Variants in MB21D2 observed in about 807,000 individuals in gnomAD.
MB21D2 encodes nucleotidyltransferase MB21D2.
Under a neutral mutation model 33.3 loss-of-function variants are expected in MB21D2, and 9 were observed. The ratio of observed to expected loss-of-function variants is 0.27; its 90% CI spans 0.16 to 0.47. MB21D2 has a LOEUF of 0.47. MB21D2 is among the 20% of genes least tolerant of loss of function. The probability of loss-of-function intolerance (pLI) is 0.99; values close to 1 mark genes in which losing one functional copy is unlikely to be tolerated. For synonymous variants in MB21D2, 241 were observed against 236.3 expected, an observed-to-expected ratio of 1.02 and a Z score of -0.18; for missense variants, 540 against 624.6, an observed-to-expected ratio of 0.86 and a Z score of 1.44.
chr3:192,821,463 C>T (rs1056125274), intron 1 of MB21D2, among the ~76,000 whole-genome samples: 7 of 152,152 alleles, frequency 4.6e-5, no homozygotes, highest in African/African-American at 1.7e-4. Context: ...AGCTTTCAAA[C>T]ACTATGGGAT....
chr3:192,852,203 C>G (rs1712822154), intron 1 of MB21D2, among the ~76,000 whole-genome samples: 1 of 152,216 alleles, frequency 6.6e-6, no homozygotes, highest in Admixed American at 6.5e-5. Context: ...AGGATTCACA[C>G]TCAGAGACAC....
intron 1 of MB21D2, among the ~76,000 whole-genome samples, chr3:192,840,291 T>C (rs1310238373): frequency 2.0e-5 from 3 of 151,912 alleles, no homozygotes; most frequent in Non-Finnish European, 2.9e-5. Context: ...TTACACATTT[T>C]CAAAGTCAAC....
chr3:192,849,465 G>A (rs1318519725), intron 1 of MB21D2, among the ~76,000 whole-genome samples: 1 of 151,992 alleles, frequency 6.6e-6, no homozygotes, highest in Admixed American at 6.6e-5. Flanking sequence ...TTACAGGCAT[G>A]TGCCACCACG....
chr3:192,858,957 C>A (rs1712977134), intron 1 of MB21D2, among the ~76,000 whole-genome samples: 1 of 152,124 alleles, frequency 6.6e-6, no homozygotes, highest in African/African-American at 2.4e-5. Context: ...AATGGAAAAA[C>A]CTTGGCTCCA....
At chr3:192,843,980 C>T (rs1712626622) in intron 1 of MB21D2, among the ~76,000 whole-genome samples, 1 of 152,186 alleles carries the variant, frequency 6.6e-6, no homozygotes, top group African/African-American at 2.4e-5. Flanking sequence ...CCTCCCAGCC[C>T]CGGAACTCCC....
chr3:192,900,563 CTTTT>C (rs201714162), intron 1 of MB21D2, among the ~76,000 whole-genome samples: 1 of 149,718 alleles, frequency 6.7e-6, no homozygotes, highest in East Asian at 2.0e-4. Context: ...TGTAAAGCTT[CTTTT>C]TTTTTTCTTT....
intron 1 of MB21D2, among the ~76,000 whole-genome samples, chr3:192,842,475 G>A (rs550088335): frequency 3.9e-5 from 6 of 152,268 alleles, no homozygotes; most frequent in African/African-American, 1.2e-4. Flanking sequence ...TATTGTAGAC[G>A]TTATAGACAC....
intron 1 of MB21D2, among the ~76,000 whole-genome samples, chr3:192,849,961 C>T (rs970192558): frequency 6.6e-5 from 10 of 151,552 alleles, no homozygotes. Context: ...CTCTGTCACC[C>T]AGGCCGGAGT....
intron 1 of MB21D2, among the ~76,000 whole-genome samples, chr3:192,876,254 G>C (rs1214896265): frequency 1.3e-5 from 2 of 152,114 alleles, no homozygotes; most frequent in African/African-American, 4.8e-5. Flanking sequence ...GTCCTTTTCT[G>C]AGAATGACTC....
At chr3:192,909,118 T>C (rs1460724875) in intron 1 of MB21D2, among the ~76,000 whole-genome samples, 2 of 151,604 alleles carry the variant, frequency 1.3e-5, no homozygotes, top group Non-Finnish European at 2.9e-5. Context: ...TAGCCAAGCA[T>C]GGTGGCGGGC....
chr3:192,816,101 T>C (rs766993614), intron 1 of MB21D2, among the ~76,000 whole-genome samples: 12 of 152,116 alleles, frequency 7.9e-5, no homozygotes. Flanking sequence ...TGTCCCAGGG[T>C]TGAATTGAGA....
intron 1 of MB21D2, among the ~76,000 whole-genome samples, chr3:192,880,445 A>G (rs1713535589): frequency 6.6e-6 from 1 of 152,136 alleles, no homozygotes; most frequent in African/African-American, 2.4e-5. Flanking sequence ...TTATTAGAAG[A>G]ACTATCCTTT....
rs1261273082 is a variant in MB21D2, at chr3:192,798,753, A to G, written c.1109T>C (p.Val370Ala). 6.2e-7 allele frequency: 1 copy of G among 1,613,326 alleles called. No homozygotes were observed. Among genetic ancestry groups the G allele is most frequent in the Non-Finnish European group, 8.5e-7 (1 of 1,180,022 alleles). The change falls in exon 2 of 2, where the codon GTC becomes GCC. Residue 370 changes from valine (V) to alanine (A), a missense_variant. By Grantham distance (64) the Val-to-Ala change is moderately conservative (BLOSUM62 0). Transcript: ENST00000392452. The surrounding 1 kb of genome is among the most constrained non-coding windows in gnomAD (Gnocchi z 4.8). The part of the protein sequence containing the change: ...GLIDDLQHCL[V>A]NKMCPNYFIP... ...GAAATAATTGGGGCACATCTTGTTG[A>G]CCAGACAGTGTTGCAGGTCATCGAT... is the stretch of plus-strand genomic sequence containing the variant.
intron 1 of MB21D2, among the ~76,000 whole-genome samples, chr3:192,865,051 C>T (rs949820109): frequency 2.0e-5 from 3 of 152,212 alleles, no homozygotes; most frequent in East Asian, 1.9e-4. Flanking sequence ...TCTCCTCAAT[C>T]TGGCCTACAG....
intron 1 of MB21D2, among the ~76,000 whole-genome samples, chr3:192,864,152 G>C (rs1028345946): frequency 1.3e-5 from 2 of 152,178 alleles, no homozygotes; most frequent in Non-Finnish European, 2.9e-5. Context: ...ATTTGTGCTA[G>C]ATCTTTAAAA....
intron 1 of MB21D2, among the ~76,000 whole-genome samples, chr3:192,848,214 G>A (rs967643984): frequency 1.3e-5 from 2 of 152,172 alleles, no homozygotes; most frequent in African/African-American, 4.8e-5. Context: ...CACGGAAACT[G>A]ACATTTTTCT....
At chr3:192,827,213 G>A (rs1403141496) in intron 1 of MB21D2, among the ~76,000 whole-genome samples, 1 of 151,894 alleles carries the variant, frequency 6.6e-6, no homozygotes, top group Non-Finnish European at 1.5e-5. Context: ...TTTCTTAAAG[G>A]GCAAAAAGTA....
Position 192,811,545 on chromosome 3 carries a change from G to A in MB21D2, c.212-11895C>T, listed in dbSNP as rs192389697. 1.1e-4 allele frequency among the ~76,000 whole-genome samples: 16 copies of A among 152,252 alleles called. No individual in the cohort carries two copies. In the East Asian group the frequency reaches 3.1e-3, roughly 29 times the overall value. The stretch of plus-strand genomic sequence containing the variant: ...TTACAAGTCTTATAAAACTAGATCT[G>A]AGAACAATTCTCAAAAAGAGTTCAT... On this transcript the variant is annotated intron_variant, in intron 1 of 1. Coordinates refer to ENST00000392452, the MANE Select transcript of MB21D2 (RefSeq NM_178496.4).
intron 1 of MB21D2, among the ~76,000 whole-genome samples, chr3:192,904,171 G>A (rs74995357): frequency 0.017 from 2,626 of 152,170 alleles, 77 homozygotes; most frequent in African/African-American, 0.06. Context: ...ATTTTCAAAC[G>A]TTTTCCCATT....
Sources: gnomAD v4.1 joint callset for allele counts (sites outside exome capture counted in the v4.1 genomes callset) on GRCh38, gnomAD v4.1.1 for gene constraint, Gnocchi (gnomAD v3.1) non-coding constraint, MANE v1.5 for transcripts, NCBI Gene and HGNC (gene_info 2026-07-23, HGNC 2026-07-21) for gene names.